Variants in DLG2 observed in about 807,000 individuals in gnomAD.
DLG2 encodes disks large homolog 2.
In DLG2, 45 loss-of-function variants were observed where a neutral mutation model predicts 132.5. The ratio of observed to expected loss-of-function variants is 0.34; its 90% CI spans 0.27 to 0.44. The LOEUF is 0.44. DLG2 is among the 20% of genes least tolerant of loss of function. The pLI is 1.00. For synonymous variants in DLG2, 424 were observed against 419.6 expected, an observed-to-expected ratio of 1.01 and a Z score of -0.13; for missense variants, 1,045 against 1,196.9, an observed-to-expected ratio of 0.87 and a Z score of 1.87.
intron 11 of DLG2, among the ~76,000 whole-genome samples, chr11:84,034,293 T>C (rs987714983): frequency 5.3e-5 from 8 of 152,058 alleles, no homozygotes; most frequent in Non-Finnish European, 8.8e-5. Flanking sequence ...AAAGTATTTT[T>C]TAATTAAGGT....
chr11:85,199,678 G>A (rs1362497361), intron 4 of DLG2, among the ~76,000 whole-genome samples: 2 of 152,154 alleles, frequency 1.3e-5, no homozygotes, highest in Non-Finnish European at 2.9e-5. Context: ...TACCATTGAT[G>A]AGAGTTTAAA....
intron 9 of DLG2, among the ~76,000 whole-genome samples, chr11:84,112,492 C>G (rs1404244987): frequency 6.6e-6 from 1 of 151,342 alleles, no homozygotes; most frequent in Non-Finnish European, 1.5e-5. Flanking sequence ...TCTTTTTACT[C>G]TTTACTCTGT....
intron 17 of DLG2, among the ~76,000 whole-genome samples, chr11:83,805,346 G>C (rs747731181): frequency 2.1e-4 from 32 of 151,730 alleles, no homozygotes; most frequent in Middle Eastern, 3.2e-3. Flanking sequence ...TTGTGCAGGA[G>C]AGCTTCTCCC....
intron 6 of DLG2, among the ~76,000 whole-genome samples, chr11:84,918,414 T>C (rs1289324102): frequency 1.3e-5 from 2 of 152,100 alleles, no homozygotes; most frequent in Non-Finnish European, 2.9e-5. Context: ...AAGATAGATA[T>C]AGACACCCTG....
intron 6 of DLG2, among the ~76,000 whole-genome samples, chr11:84,870,588 A>G (rs1377517238): frequency 6.6e-6 from 1 of 152,212 alleles, no homozygotes; most frequent in Non-Finnish European, 1.5e-5. Context: ...AACTCGCAAT[A>G]GCTGTTGACA....
intron 3 of DLG2, among the ~76,000 whole-genome samples, chr11:85,295,887 A>G (rs2079177662): frequency 6.6e-6 from 1 of 152,094 alleles, no homozygotes; most frequent in African/African-American, 2.4e-5. Context: ...TTTGGACTCC[A>G]GGGATCTTTC....
intron 7 of DLG2, among the ~76,000 whole-genome samples, chr11:84,402,118 A>T (rs1303582554): frequency 6.6e-6 from 1 of 152,232 alleles, no homozygotes; most frequent in Non-Finnish European, 1.5e-5. Context: ...TTAATCAAAA[A>T]TTAAATACCT....
At chr11:83,702,553 G>T (rs2083149162) in intron 18 of DLG2, among the ~76,000 whole-genome samples, 1 of 152,170 alleles carries the variant, frequency 6.6e-6, no homozygotes, top group Non-Finnish European at 1.5e-5. Context: ...AGTCTGTTGG[G>T]GAAGAAGAAG....
intron 3 of DLG2, among the ~76,000 whole-genome samples, chr11:85,510,981 A>G (rs947749959): frequency 3.9e-5 from 6 of 152,192 alleles, no homozygotes; most frequent in African/African-American, 1.4e-4. Flanking sequence ...CCAAGTGTCC[A>G]TCAATGATAG....
At chr11:83,516,747 T>C (rs890924141) in intron 21 of DLG2, among the ~76,000 whole-genome samples, 6 of 152,214 alleles carry the variant, frequency 3.9e-5, no homozygotes, top group Non-Finnish European at 5.9e-5. Context: ...CAGCATTTGC[T>C]TGTCTGTAAA....
At chr11:85,388,253 C>T (rs190358489) in intron 3 of DLG2, among the ~76,000 whole-genome samples, 5 of 152,156 alleles carry the variant, frequency 3.3e-5, no homozygotes, top group Admixed American at 2.0e-4. Context: ...GAACATAATT[C>T]CATTGACCTG....
At chr11:84,415,260 T>A (rs603628) in intron 7 of DLG2, among the ~76,000 whole-genome samples, 2 of 152,256 alleles carry the variant, frequency 1.3e-5, no homozygotes, top group Admixed American at 1.3e-4. Flanking sequence ...TGTCATTGCA[T>A]GCACCTGCTA....
At chr11:83,516,203 G>A (rs1038118712) in intron 21 of DLG2, among the ~76,000 whole-genome samples, 3 of 152,126 alleles carry the variant, frequency 2.0e-5, no homozygotes, top group African/African-American at 7.2e-5. Flanking sequence ...ATGAATCTGG[G>A]TGCTCCTGTA....
At chr11:84,795,845 C>A (rs1478167748) in intron 6 of DLG2, among the ~76,000 whole-genome samples, 1 of 152,190 alleles carries the variant, frequency 6.6e-6, no homozygotes, top group African/African-American at 2.4e-5. Flanking sequence ...ACCGTGAAAG[C>A]CACTTGTGGT....
chr11:84,451,668 T>C (rs1230557259), intron 7 of DLG2, among the ~76,000 whole-genome samples: 1 of 151,648 alleles, frequency 6.6e-6, no homozygotes, highest in East Asian at 1.9e-4. Context: ...AGCAATGGGG[T>C]CGTAACAATG....
chr11:85,568,549 G>A (rs2077662210), intron 3 of DLG2, among the ~76,000 whole-genome samples: 1 of 152,098 alleles, frequency 6.6e-6, no homozygotes, highest in East Asian at 1.9e-4. Flanking sequence ...TCTGGTGCTG[G>A]GTTTTTTGTG....
rs752856934 is a variant in DLG2 at position 83,541,849 on chromosome 11, G to A, written c.1950C>T (p.Phe650=). The change falls in exon 20 of 28, where the codon TTC becomes TTT. Residue 650 remains phenylalanine (F), a synonymous_variant. Transcript: ENST00000376104. The part of the protein sequence containing the change: ...QKRSLYVRAM[F]DYDKSKDSGL... The stretch of plus-strand genomic sequence containing the variant: ...CACTGTCCTTGCTCTTGTCGTAGTC[G>A]AACATGGCTCTGGAGGAAAGGACAA... 2.3e-5 allele frequency: 37 copies of A among 1,604,802 alleles called. No homozygotes were observed. Among genetic ancestry groups the A allele is most frequent in the South Asian group, 3.3e-5 (3 of 89,590 alleles).
chr11:85,531,082 T>C lies in DLG2; in HGVS notation c.40+67575A>G, dbSNP rs545542045. ...AAAATAGAAGAAACTCTTAATACAATGTATTCTTACATTATTCCCTTTCCT... is the reference window on the plus strand; with the variant it reads ...AAAATAGAAGAAACTCTTAATACAACGTATTCTTACATTATTCCCTTTCCT... On this transcript the variant is annotated intron_variant, in intron 3 of 27. Coordinates refer to ENST00000376104, the MANE Select transcript of DLG2 (RefSeq NM_001142699.3). Among the ~76,000 whole-genome samples the C allele has an allele frequency of 1.2e-4, 18 of 152,356 alleles. No individual in the cohort carries two copies. The South Asian group carries it at 3.7e-3, about 32-fold the overall frequency.
chr11:84,301,607 C>T (rs1428402017), intron 7 of DLG2, among the ~76,000 whole-genome samples: 5 of 136,156 alleles, frequency 3.7e-5, no homozygotes, highest in Non-Finnish European at 6.1e-5. Context: ...TGCAGTAAGC[C>T]GAGATCATGC....
Sources: allele counts gnomAD v4.1 joint callset (sites outside exome capture counted in the v4.1 genomes callset), GRCh38; gene constraint gnomAD v4.1.1; transcripts MANE v1.5; gene names NCBI Gene and HGNC (gene_info 2026-07-23, HGNC 2026-07-21).